The following PTPRD variants were observed in gnomAD, a reference collection of about 807,000 sequenced individuals.
PTPRD encodes the protein receptor-type tyrosine-protein phosphatase delta.
In PTPRD, 34 loss-of-function variants were observed where a neutral mutation model predicts 214.5. The observed-to-expected ratio is 0.16, with a 90% CI of 0.12 to 0.21. The LOEUF is 0.21. Among genes scored for constraint, PTPRD ranks in the 10% least tolerant of loss-of-function variants. The pLI is 1.00. For missense variants in PTPRD, 2,545 were observed against 2,398.7 expected (o/e 1.06, Z -1.27); for synonymous variants, 1,128 against 845.7 (o/e 1.33, Z -5.79).
At chr9:8,770,607 C>G (rs1215479546) in intron 11 of PTPRD, among the ~76,000 whole-genome samples, 5 of 152,078 alleles carry the variant, frequency 3.3e-5, no homozygotes, top group Non-Finnish European at 7.4e-5. Context: ...ACACTTCAGA[C>G]CAAACTCAAA....
intron 8 of PTPRD, among the ~76,000 whole-genome samples, chr9:9,482,781 C>A (rs1306043742): frequency 6.6e-6 from 1 of 152,116 alleles, no homozygotes; most frequent in Non-Finnish European, 1.5e-5. Flanking sequence ...ACAATTAAGG[C>A]TCCTCCTTAG....
At chr9:9,461,532 A>G (rs1018830639) in intron 8 of PTPRD, among the ~76,000 whole-genome samples, 13 of 152,118 alleles carry the variant, frequency 8.5e-5, no homozygotes, top group African/African-American at 2.9e-4. Context: ...AGAATGGAAG[A>G]AAGTTAATAT....
chr9:10,268,115 C>CTT (rs375227811), intron 3 of PTPRD, among the ~76,000 whole-genome samples: 26 of 132,792 alleles, frequency 2.0e-4, no homozygotes, highest in African/African-American at 6.2e-4. Flanking sequence ...CCATCTCCAT[C>CTT]TTTTTTTTTT....
In PTPRD at chr9:10,148,710, G is replaced by C. The variant is rs375527739; in HGVS notation, c.-544-114920C>G. On this transcript the variant is annotated intron_variant, in intron 3 of 45. Transcript: ENST00000381196. ...TTTTGGCTGATAGTAGAATCACCTA[G>C]GGCCTTTTACCAACTGTAATGCCCA... Among the ~76,000 whole-genome samples the C allele has an allele frequency of 2.7e-4, 41 of 152,238 alleles. No individual in the cohort carries two copies. The East Asian group carries it at 5.2e-3, about 19-fold the overall frequency.
intron 3 of PTPRD, among the ~76,000 whole-genome samples, chr9:10,119,928 C>T (rs546701767): frequency 6.6e-6 from 1 of 151,830 alleles, no homozygotes. Context: ...GGCATTTTGG[C>T]CCACTTCAAA....
At chr9:9,626,734 A>C (rs1564146201) in intron 7 of PTPRD, among the ~76,000 whole-genome samples, 1 of 152,208 alleles carries the variant, frequency 6.6e-6, no homozygotes, top group Non-Finnish European at 1.5e-5. Flanking sequence ...AGGGTTACCC[A>C]TTGTAGAGAT....
At chr9:8,709,514 C>CAAAAAAAA (rs758112672) in intron 12 of PTPRD, among the ~76,000 whole-genome samples, 2 of 56,306 alleles carry the variant, frequency 3.6e-5, no homozygotes, top group Non-Finnish European at 3.4e-5. Context: ...GACTCCATCT[C>CAAAAAAAA]AAAAAAAAAA....
intron 37 of PTPRD, among the ~76,000 whole-genome samples, chr9:8,381,889 C>T (rs1362289528): frequency 5.9e-5 from 9 of 152,156 alleles, no homozygotes; most frequent in African/African-American, 9.7e-5. Context: ...GCACTTTGTC[C>T]TAACCAGAGC....
chr9:9,273,309 TA>T (rs1380432321), intron 9 of PTPRD, among the ~76,000 whole-genome samples: 1 of 151,210 alleles, frequency 6.6e-6, no homozygotes, highest in Non-Finnish European at 1.5e-5. Context: ...GCTGAGTCAC[TA>T]AGGAATAGAA....
chr9:9,210,316 A>C (rs1350580840), intron 9 of PTPRD, among the ~76,000 whole-genome samples: 1 of 152,178 alleles, frequency 6.6e-6, no homozygotes, highest in Non-Finnish European at 1.5e-5. Flanking sequence ...TATATATAAC[A>C]GGTGAGTTTC....
chr9:8,948,143 C>T (rs1197993272), intron 11 of PTPRD, among the ~76,000 whole-genome samples: 2 of 150,806 alleles, frequency 1.3e-5, no homozygotes, highest in African/African-American at 2.4e-5. Context: ...CCTCAGTTTC[C>T]CGAGTAGCTG....
intron 11 of PTPRD, among the ~76,000 whole-genome samples, chr9:8,769,715 C>T (rs1389233097): frequency 6.6e-6 from 1 of 151,494 alleles, no homozygotes; most frequent in Non-Finnish European, 1.5e-5. Flanking sequence ...CAACAGTTTT[C>T]TATCTCTTAA....
intron 8 of PTPRD, among the ~76,000 whole-genome samples, chr9:9,520,048 A>G (rs1347108671): frequency 6.6e-6 from 1 of 151,984 alleles, no homozygotes; most frequent in African/African-American, 2.4e-5. Flanking sequence ...ACTTCAAAAC[A>G]TTGGTAGTTC....
intron 34 of PTPRD, among the ~76,000 whole-genome samples, chr9:8,448,881 T>C (rs138095158): frequency 5.3e-5 from 8 of 152,320 alleles, no homozygotes; most frequent in African/African-American, 2.4e-5. Context: ...TGCAACCACA[T>C]TTTAATCCCA....
chr9:10,237,400 T>A (rs1012218826), intron 3 of PTPRD, among the ~76,000 whole-genome samples: 2 of 151,926 alleles, frequency 1.3e-5, no homozygotes, highest in Non-Finnish European at 2.9e-5. Context: ...AGTCTGGTAG[T>A]TCTTCATTAA....
chr9:8,948,457 A>ATT (rs1567182076), intron 11 of PTPRD, among the ~76,000 whole-genome samples: 1 of 13,148 alleles, frequency 7.6e-5, no homozygotes, highest in African/African-American at 1.6e-4. Context: ...ATATATTTAT[A>ATT]TATATATTTA....
intron 4 of PTPRD, among the ~76,000 whole-genome samples, chr9:9,985,318 T>C (rs1196001814): frequency 6.6e-6 from 1 of 152,242 alleles, no homozygotes; most frequent in Admixed American, 6.5e-5. Context: ...GATTTTATAA[T>C]TTTTGTATTT....
chr9:9,008,269 C>T (rs146302902), intron 11 of PTPRD, among the ~76,000 whole-genome samples: 1,919 of 144,272 alleles, frequency 0.013, 47 homozygotes, highest in African/African-American at 0.046. Context: ...CACTCTGTTG[C>T]CCAGGCTGGA....
intron 4 of PTPRD, among the ~76,000 whole-genome samples, chr9:9,986,302 G>C (rs1022436410): frequency 1.3e-5 from 2 of 152,126 alleles, no homozygotes; most frequent in African/African-American, 2.4e-5. Flanking sequence ...CTTTTGCATT[G>C]TAGTATTAGT....
Sources: gnomAD v4.1 joint callset for allele counts (sites outside exome capture counted in the v4.1 genomes callset) on GRCh38, gnomAD v4.1.1 for gene constraint, MANE v1.5 for transcripts, NCBI Gene and HGNC (gene_info 2026-07-23, HGNC 2026-07-21) for gene names.